The following FMNL3 variants were observed in gnomAD, a reference collection of about 807,000 sequenced individuals.
The protein encoded by FMNL3 is formin-like protein 3.
In FMNL3, 57 loss-of-function variants were observed where a neutral mutation model predicts 119.6. That is an observed-to-expected ratio of 0.48 (90% confidence interval 0.39 to 0.59). FMNL3 has a LOEUF of 0.59. Among genes scored for constraint, FMNL3 ranks in the 20% least tolerant of loss-of-function variants. The pLI is 0.00. For missense variants in FMNL3, 1,053 were observed against 1,323.5 expected, an observed-to-expected ratio of 0.80 and a Z score of 3.17; for synonymous variants, 491 against 507.3, an observed-to-expected ratio of 0.97 and a Z score of 0.43.
intron 1 of FMNL3, among the ~76,000 whole-genome samples, chr12:49,705,125 G>A (rs1050475110): frequency 4.6e-5 from 7 of 152,260 alleles, no homozygotes; most frequent in Admixed American, 1.3e-4. Context: ...GTGAAATCCC[G>A]TCTCCTGAGA....
intron 7 of FMNL3, 29 bp from the exon 8 acceptor site, chr12:49,656,928 C>A: frequency 6.2e-7 from 1 of 1,600,116 alleles, no homozygotes; most frequent in South Asian, 1.1e-5. Flanking sequence ...AAGGAGGGGA[C>A]CTTGATGGTG....
In FMNL3 at chr12:49,647,128, G is replaced by T; in HGVS notation, c.2872-119C>A. 1 of 1,564,226 alleles carries T rather than the reference G, an allele frequency of 6.4e-7. No individual in the cohort carries two copies. The highest frequency in any genetic ancestry group is 1.7e-5 in the Admixed American group (1 of 57,718). On this transcript the variant is annotated intron_variant, in intron 24 of 25. Transcript: ENST00000335154. This position sits in a 1 kb window ranked among gnomAD's most constrained non-coding sequence, Gnocchi z 4.9. ...TGTGCACTGCTAGGAATCCCCAAAGGCCCTCCCTCCATCCCTCTGGATGCC... is the reference window on the plus strand; with the variant it reads ...TGTGCACTGCTAGGAATCCCCAAAGTCCCTCCCTCCATCCCTCTGGATGCC...
Position 49,642,906 on chromosome 12 carries a change from C to T in FMNL3, c.*2909G>A, listed in dbSNP as rs1942864253. 1 of 1,605,148 alleles carries T rather than the reference C, an allele frequency of 6.2e-7. No homozygotes were observed. The highest frequency in any genetic ancestry group is 2.2e-5 in the East Asian group (1 of 44,584). On this transcript the variant is annotated 3_prime_UTR_variant, in exon 26 of 26. Coordinates refer to ENST00000335154, the MANE Select transcript of FMNL3 (RefSeq NM_175736.5). This position sits in a 1 kb window ranked among gnomAD's most constrained non-coding sequence, Gnocchi z 5.8. ...GGGGCTAAGTCTGGTGCTGTCCTCA[C>T]CCTTCTTCCTCTGCCTCTAGCAGAC...
At chr12:49,703,339 G>T (rs1455659681) in intron 1 of FMNL3, among the ~76,000 whole-genome samples, 1 of 152,028 alleles carries the variant, frequency 6.6e-6, no homozygotes, top group Non-Finnish European at 1.5e-5. Context: ...AAACACACTG[G>T]GACTGTATCA....
intron 1 of FMNL3, among the ~76,000 whole-genome samples, chr12:49,682,387 G>T (rs1031525733): frequency 1.3e-5 from 2 of 151,900 alleles, no homozygotes; most frequent in African/African-American, 4.8e-5. Context: ...TATTTTTTTT[G>T]AGACAGAGTA....
intron 1 of FMNL3, among the ~76,000 whole-genome samples, chr12:49,675,715 G>C (rs916308713): frequency 2.0e-5 from 3 of 152,162 alleles, no homozygotes; most frequent in African/African-American, 7.2e-5. Flanking sequence ...CTGCCATCCT[G>C]CACATGAATG....
In FMNL3 at chr12:49,653,830, C is replaced by G; in HGVS notation, c.1116G>C (p.Gln372His). 1.2e-6 allele frequency: 2 copies of G among 1,614,234 alleles called. No homozygotes were observed. Among genetic ancestry groups the G allele is most frequent in the African/African-American group, 1.3e-5 (1 of 75,064 alleles). ...TESEKLQVQI[Q>H]AYLDNVFDVG... ...CATCAAACACGTTGTCCAGATATGC[C>G]TGAATCTGCACCTGCAGCTTCTCGC... Residue 372 changes from glutamine to histidine, a missense_variant, in exon 12 of 26, where the codon CAG becomes CAC. Around this residue, in one of 4 missense-constraint regions of FMNL3, gnomAD observed 445 missense variants for 628.4 expected, o/e 0.71. Transcript: ENST00000335154.
At position 49,674,694 on chromosome 12, in the gene FMNL3, C is replaced by G. The variant is rs568723542; in HGVS notation, c.127-6140G>C. ...TTAGATCTGCCTTGCAGGTTTTGTT[C>G]AATTGAAGCTACCACTCTGGTGATG... On this transcript the variant is annotated intron_variant, in intron 1 of 25. Coordinates refer to ENST00000335154, the MANE Select transcript of FMNL3 (RefSeq NM_175736.5). Among the ~76,000 whole-genome samples the G allele has an allele frequency of 3.9e-5, 6 of 152,320 alleles. No individual in the cohort carries two copies. The East Asian group carries it at 1.2e-3, about 29-fold the overall frequency.
In FMNL3 at chr12:49,656,905, AG is replaced by A; in HGVS notation, c.715-7del. 2 of 1,613,526 alleles carry A rather than the reference AG, an allele frequency of 1.2e-6. No homozygotes were observed. The highest frequency in any genetic ancestry group is 1.7e-6 in the Non-Finnish European group (2 of 1,179,464). ...ATGACCAGGTTGAATCCGTACTGCAAGGGAAAGGACAGAAGGAGGGGACCTT... is the reference window on the plus strand; with the variant it reads ...ATGACCAGGTTGAATCCGTACTGCAAGGAAAGGACAGAAGGAGGGGACCTT... On this transcript the variant is annotated splice_region_variant and splice_polypyrimidine_tract_variant and intron_variant, in intron 7 of 25. Transcript: ENST00000335154.
rs781235317 is a variant in FMNL3 at position 49,636,817 on chromosome 12, C to T, written c.*8998G>A. The T allele has an allele frequency of 1.3e-5, 21 of 1,614,036 alleles. No homozygotes were observed. The highest frequency in any genetic ancestry group is 1.7e-5 in the Admixed American group (1 of 60,010). On this transcript the variant is annotated 3_prime_UTR_variant, in exon 26 of 26. Transcript: ENST00000335154. ...GGAGCGGGCCCGGCTTCGGGAGCGA[C>T]GCCAACAACGCAAGAATCGGGAGGC...
In FMNL3 at chr12:49,641,581, G is replaced by C. The variant is rs1309810626; in HGVS notation, c.*4234C>G. ...TTGATTGAGAATGCATGGAAGCACT[G>C]CTGAGCAGCAGGAGGGCCCAGCTGG... On this transcript the variant is annotated 3_prime_UTR_variant, in exon 26 of 26. Coordinates refer to ENST00000335154, the MANE Select transcript of FMNL3 (RefSeq NM_175736.5). 6.0e-6 allele frequency: 2 copies of C among 331,234 alleles called. No individual in the cohort carries two copies. The allele number at this position is 331,234 out of a possible 1,614,324, so 20.5% of individuals were successfully genotyped here.
intron 1 of FMNL3, among the ~76,000 whole-genome samples, chr12:49,691,780 T>G (rs1285447484): frequency 2.0e-5 from 3 of 152,038 alleles, no homozygotes; most frequent in African/African-American, 7.2e-5. Flanking sequence ...ACGCCTATAA[T>G]CCCAGCACTT....
At chr12:49,679,084 C>A (rs1484606785) in intron 1 of FMNL3, among the ~76,000 whole-genome samples, 2 of 152,030 alleles carry the variant, frequency 1.3e-5, no homozygotes, top group Non-Finnish European at 2.9e-5. Context: ...GACAGAACTG[C>A]GATAAGCACT....
intron 2 of FMNL3, 67 bp from the exon 3 acceptor site, chr12:49,666,274 A>G (rs1489946827): frequency 2.0e-5 from 28 of 1,400,328 alleles, no homozygotes; most frequent in Non-Finnish European, 2.8e-5. Flanking sequence ...GCACTGAGGA[A>G]GAAGAGCATT....
At chr12:49,663,391 C>A (rs1206793372) in intron 4 of FMNL3, among the ~76,000 whole-genome samples, 1 of 152,244 alleles carries the variant, frequency 6.6e-6, no homozygotes, top group Non-Finnish European at 1.5e-5. Context: ...TGCTCCTGCA[C>A]ACCCAACTTC....
Position 49,649,907 on chromosome 12 carries a change from T to C in FMNL3, c.2019A>G (p.Leu673=), listed in dbSNP as rs746495245. The part of the protein sequence containing the change: ...RAIHTFDLQT[L]PVDFVECLMR... ...TCAGGCACTCCACGAAGTCCACAGG[T>C]AGTGTCTGCAAGTCAAACCTGTGGA... The change falls in exon 18 of 26, where the codon CTA becomes CTG. Residue 673 remains leucine (L), a synonymous_variant. Coordinates refer to ENST00000335154, the MANE Select transcript of FMNL3 (RefSeq NM_175736.5). This position sits in a 1 kb window ranked among gnomAD's most constrained non-coding sequence, Gnocchi z 5.6. The C allele has an allele frequency of 1.2e-6, 2 of 1,613,856 alleles. No individual in the cohort carries two copies.
At chr12:49,689,594 G>A (rs1347199047) in intron 1 of FMNL3, among the ~76,000 whole-genome samples, 1 of 152,160 alleles carries the variant, frequency 6.6e-6, no homozygotes, top group African/African-American at 2.4e-5. Context: ...AAGCACAACT[G>A]TAGTCCCAGC....
intron 1 of FMNL3, chr12:49,688,330 C>T (rs1487255987): frequency 2.2e-6 from 1 of 447,060 alleles, no homozygotes; most frequent in African/African-American, 2.0e-5. Context: ...ATTCTCCACA[C>T]AGCAGACAAG....
intron 1 of FMNL3, among the ~76,000 whole-genome samples, chr12:49,706,695 G>A (rs1945056933): frequency 6.6e-6 from 1 of 152,176 alleles, no homozygotes; most frequent in African/African-American, 2.4e-5. Context: ...CCCCACCCGC[G>A]AGAGGCTCCG....
Sources: gnomAD v4.1 joint callset for allele counts (sites outside exome capture counted in the v4.1 genomes callset) on GRCh38, gnomAD v4.1.1 for gene constraint, gnomAD v4.1.1 regional missense constraint, Gnocchi (gnomAD v3.1) non-coding constraint, MANE v1.5 for transcripts, NCBI Gene and HGNC (gene_info 2026-07-23, HGNC 2026-07-21) for gene names.